Variants in GRIA4 observed in about 807,000 individuals in gnomAD.
The protein encoded by GRIA4 is glutamate ionotropic receptor AMPA type subunit 4.
GRIA4 carries 34 observed loss-of-function variants against 104.0 expected under a neutral mutation model. The ratio of observed to expected loss-of-function variants is 0.33; its 90% confidence interval spans 0.25 to 0.44. The LOEUF (loss-of-function observed/expected upper bound fraction) is 0.44, where lower values mean the gene tolerates loss of function less well. Among genes scored for constraint, GRIA4 ranks in the 20% least tolerant of loss-of-function variants. The probability of loss-of-function intolerance (pLI) is 1.00; values close to 1 mark genes in which losing one functional copy is unlikely to be tolerated. For missense variants in GRIA4, 750 were observed against 1,096.5 expected (o/e 0.68, Z 4.46); for synonymous variants, 386 against 381.9 (o/e 1.01, Z -0.13).
intron 13 of GRIA4, among the ~76,000 whole-genome samples, chr11:105,929,958 GATTA>G (rs917238170): frequency 7.2e-5 from 11 of 152,068 alleles, no homozygotes; most frequent in African/African-American, 2.4e-4. Flanking sequence ...ATCGATCTGA[GATTA>G]ATTTTCTAAT....
intron 3 of GRIA4, among the ~76,000 whole-genome samples, chr11:105,732,989 T>C (rs1302192033): frequency 6.6e-6 from 1 of 152,218 alleles, no homozygotes; most frequent in African/African-American, 2.4e-5. Flanking sequence ...ATGTCCAAAT[T>C]GTGTATACCA....
intron 4 of GRIA4, among the ~76,000 whole-genome samples, chr11:105,845,333 G>T (rs1944543844): frequency 6.6e-6 from 1 of 152,068 alleles, no homozygotes; most frequent in Non-Finnish European, 1.5e-5. Context: ...CCACCCCTAG[G>T]GGACCAGGAA....
intron 3 of GRIA4, among the ~76,000 whole-genome samples, chr11:105,740,803 T>TA (rs1271940404): frequency 6.6e-6 from 1 of 152,000 alleles, no homozygotes; most frequent in Non-Finnish European, 1.5e-5. Flanking sequence ...GGGGAGAAGA[T>TA]AAGTTTAAAT....
At chr11:105,642,537 GA>G (rs34987277) in intron 3 of GRIA4, among the ~76,000 whole-genome samples, 1,446 of 72,292 alleles carry the variant, frequency 0.02, 16 homozygotes, top group Admixed American at 0.06. Context: ...CAATTTTAAT[GA>G]AAAAAAAAAA....
intron 3 of GRIA4, among the ~76,000 whole-genome samples, chr11:105,740,166 C>T (rs1412108324): frequency 6.6e-6 from 1 of 152,150 alleles, no homozygotes; most frequent in Non-Finnish European, 1.5e-5. Flanking sequence ...GATTGTTAAA[C>T]AATTAATATA....
At chr11:105,917,724 T>C (rs1947445832) in intron 10 of GRIA4, among the ~76,000 whole-genome samples, 1 of 152,056 alleles carries the variant, frequency 6.6e-6, no homozygotes, top group Admixed American at 6.6e-5. Flanking sequence ...AGGTTTATCT[T>C]TGGTTGGTGG....
chr11:105,709,075 G>A (rs1440541470), intron 3 of GRIA4, among the ~76,000 whole-genome samples: 1 of 151,994 alleles, frequency 6.6e-6, no homozygotes, highest in Non-Finnish European at 1.5e-5. Flanking sequence ...GAAAATATAA[G>A]ATGATAAAGG....
At chr11:105,859,732 C>CA (rs886662107) in intron 4 of GRIA4, among the ~76,000 whole-genome samples, 56 of 150,712 alleles carry the variant, frequency 3.7e-4, no homozygotes, top group Non-Finnish European at 6.1e-4. Context: ...CTCAAGCAAA[C>CA]AAAAAAAATC....
In GRIA4 at chr11:105,812,309, T is replaced by A. The variant is rs948305633; in HGVS notation, c.488-49715T>A. Among the ~76,000 whole-genome samples, 10 of 152,146 alleles carry A rather than the reference T, an allele frequency of 6.6e-5. No individual in the cohort carries two copies. In the East Asian group the frequency reaches 1.9e-3, roughly 29 times the overall value. ...AGGGTTCCTTTGGCTTTATTTGATA[T>A]GAATTTATGGGTAAACCAGGTTTGG... On this transcript the variant is annotated intron_variant, in intron 4 of 16. Transcript: ENST00000282499.
At chr11:105,879,008 A>G (rs1384489038) in intron 5 of GRIA4, among the ~76,000 whole-genome samples, 2 of 152,308 alleles carry the variant, frequency 1.3e-5, no homozygotes, top group Admixed American at 1.3e-4. Context: ...TGAAACCCAA[A>G]GTCCTGGTGG....
At position 105,879,531 on chromosome 11, in the gene GRIA4, G is replaced by T. The variant is rs371874052; in HGVS notation, c.673-7988G>T. Among the ~76,000 whole-genome samples, 22 of 152,264 alleles carry T rather than the reference G, an allele frequency of 1.4e-4. No individual in the cohort carries two copies. The South Asian group carries it at 4.6e-3, about 32-fold the overall frequency. ...AAATCCAAGTTATTTAAGCTTTTCT[G>T]CTAATTTGCTTTATTATGCATATAT... On this transcript the variant is annotated intron_variant, in intron 5 of 16. Transcript: ENST00000282499.
chr11:105,939,436 A>G (rs1948130326), intron 14 of GRIA4, among the ~76,000 whole-genome samples: 1 of 152,212 alleles, frequency 6.6e-6, no homozygotes, highest in African/African-American at 2.4e-5. Context: ...CAGTTTACTT[A>G]GAAGTAACCA....
intron 3 of GRIA4, among the ~76,000 whole-genome samples, chr11:105,695,826 G>A (rs1235100098): frequency 6.6e-6 from 1 of 152,066 alleles, no homozygotes; most frequent in African/African-American, 2.4e-5. Context: ...AAACTCTAGA[G>A]GCTTGAGTAT....
rs1248404182 is a variant in GRIA4, at chr11:105,860,955, T to TG, written c.488-1068dup. 3.3e-3 allele frequency among the ~76,000 whole-genome samples: 251 copies of TG among 77,008 alleles called. 4 individuals carry two copies. The East Asian group carries it at 0.042, about 13-fold the overall frequency. The allele number at this position is 77,008 out of a possible 152,430, so 50.5% of individuals were successfully genotyped here. A position where few individuals can be genotyped will look rare whatever the true frequency, so the allele number is the denominator to read the frequency against. ...GCCTGGGCAACAGAGCAAGACTGTC[T>TG]GAAAAAAAAAAAAAAAAAAAAAGAG... On this transcript the variant is annotated intron_variant, in intron 4 of 16. Transcript: ENST00000282499.
intron 4 of GRIA4, among the ~76,000 whole-genome samples, chr11:105,764,281 C>T (rs12271335): frequency 0.15 from 22,314 of 152,048 alleles, 1,834 homozygotes; most frequent in Admixed American, 0.23. Context: ...GGACTACAGG[C>T]GCCCACTACC....
intron 4 of GRIA4, among the ~76,000 whole-genome samples, chr11:105,783,776 G>GTGTGTT (rs1372168982): frequency 6.8e-6 from 1 of 146,076 alleles, no homozygotes; most frequent in African/African-American, 2.5e-5. Flanking sequence ...GTGTGTGTGT[G>GTGTGTT]TGTGTGTGTG....
intron 14 of GRIA4, among the ~76,000 whole-genome samples, chr11:105,952,913 T>A (rs1376756046): frequency 6.6e-6 from 1 of 152,236 alleles, no homozygotes; most frequent in African/African-American, 2.4e-5. Flanking sequence ...TGTCATCGCA[T>A]AGGCAAACTG....
At chr11:105,665,996 G>C (rs939010726) in intron 3 of GRIA4, among the ~76,000 whole-genome samples, 14 of 152,104 alleles carry the variant, frequency 9.2e-5, no homozygotes, top group African/African-American at 3.1e-4. Flanking sequence ...AATAACTAGT[G>C]ATCAGTCAAA....
chr11:105,920,541 C>T (rs1947530548), intron 11 of GRIA4, among the ~76,000 whole-genome samples: 2 of 152,212 alleles, frequency 1.3e-5, no homozygotes, highest in South Asian at 4.1e-4. Context: ...GGAGTCCCTA[C>T]CCACTGGGCA....
Sources: allele counts gnomAD v4.1 joint callset (sites outside exome capture counted in the v4.1 genomes callset), GRCh38; gene constraint gnomAD v4.1.1; transcripts MANE v1.5; gene names NCBI Gene and HGNC (gene_info 2026-07-23, HGNC 2026-07-21).